The following MMS19 variants were observed in gnomAD, a reference collection of about 807,000 sequenced individuals.
MMS19 encodes the protein MMS19 nucleotide excision repair protein homolog.
Under a neutral mutation model 129.8 loss-of-function variants are expected in MMS19, and 77 were observed. The observed-to-expected ratio is 0.59, with a 90% CI of 0.49 to 0.72. MMS19 has a LOEUF of 0.72. MMS19 is among the 30% of genes least tolerant of loss of function. The pLI, the probability that MMS19 is intolerant of heterozygous loss-of-function variation, is 0.00. For missense variants in MMS19, 1,168 were observed against 1,266.3 expected (o/e 0.92, Z 1.18); for synonymous variants, 491 against 502.8 (o/e 0.98, Z 0.31).
In MMS19 at chr10:97,466,622, C is replaced by T. The variant is rs369559127; in HGVS notation, c.1424-37G>A. ...AGGGAACATGAATCTCATCTTTCTT[C>T]CCCTGCAGCCATCACAACCCTTCTA... On this transcript the variant is annotated intron_variant, in intron 15 of 30. Coordinates refer to ENST00000438925, the MANE Select transcript of MMS19 (RefSeq NM_022362.5). 9 of 1,586,268 alleles carry T rather than the reference C, an allele frequency of 5.7e-6. No homozygotes were observed. The African/African-American group carries it at 6.7e-5, about 12-fold the overall frequency.
chr10:97,462,305 G>T lies in MMS19; in HGVS notation c.2013-186C>A, dbSNP rs29001323. On this transcript the variant is annotated intron_variant, in intron 20 of 30. Transcript: ENST00000438925. ...TGTGCCAGTAATCATTTCCATTCAG[G>T]TTCCCATCTGGGAAGTCAAGGTATA... 6.3e-4 allele frequency among the ~76,000 whole-genome samples: 96 copies of T among 152,310 alleles called. No individual in the cohort carries two copies. In the East Asian group the frequency reaches 0.017, roughly 26 times the overall value.
intron 1 of MMS19, among the ~76,000 whole-genome samples, chr10:97,495,531 T>C (rs115770081): frequency 0.015 from 2,220 of 152,318 alleles, 50 homozygotes; most frequent in African/African-American, 0.051. Flanking sequence ...TCTTATTCTA[T>C]AAACGCTTCA....
Position 97,459,285 on chromosome 10 carries a change from G to A in MMS19, c.2905-3C>T, listed in dbSNP as rs576499496. On this transcript the variant is annotated splice_region_variant and splice_polypyrimidine_tract_variant and intron_variant, in intron 28 of 30. Transcript: ENST00000438925. ...TGCAGTGCGGCGATCCGGACAGCCT[G>A]GAACACAACCACAAGGAGGTGAGAG... is the stretch of plus-strand genomic sequence containing the variant. 1.9e-6 allele frequency: 3 copies of A among 1,613,430 alleles called. No individual in the cohort carries two copies. Among genetic ancestry groups the A allele is most frequent in the South Asian group, 2.2e-5 (2 of 90,998 alleles).
chr10:97,492,121 G>C (rs1484263986), intron 1 of MMS19, among the ~76,000 whole-genome samples: 3 of 128,110 alleles, frequency 2.3e-5, no homozygotes, highest in African/African-American at 6.0e-5. Flanking sequence ...CTGGGCTACA[G>C]AGTGAAACTC....
chr10:97,469,180 C>G (rs536421869), intron 11 of MMS19, 76 bp from the exon 12 acceptor site: 1 of 1,495,366 alleles, frequency 6.7e-7, no homozygotes, highest in African/African-American at 1.4e-5. Context: ...TGCCTATTTC[C>G]TTGTTGGAGA....
chr10:97,463,049 A>T (rs1440049268), intron 19 of MMS19: 1 of 235,412 alleles, frequency 4.2e-6, no homozygotes, highest in Non-Finnish European at 8.4e-6. Context: ...AAAAACATAG[A>T]TTTATCTTCA....
At chr10:97,460,284 C>T (rs1005009507) in intron 25 of MMS19, 52 bp from the exon 26 acceptor site, 2 of 1,551,134 alleles carry the variant, frequency 1.3e-6, no homozygotes, top group African/African-American at 1.4e-5. Flanking sequence ...ATCTTAAGTG[C>T]CAAAGATAAG....
chr10:97,476,917 C>G lies in MMS19; in HGVS notation c.540G>C (p.Val180=). Reference sequence around the variant, plus strand: ...TACGGGGATCCTTTTCCCCATCCATCACCTGGATGAAGCCAAAGGTGAAGT... The same window carrying G: ...TACGGGGATCCTTTTCCCCATCCATGACCTGGATGAAGCCAAAGGTGAAGT... The part of the protein sequence containing the change: ...GADFTFGFIQ[V]MDGEKDPRNL... The change falls in exon 7 of 31, where the codon GTG becomes GTC. Residue 180 remains valine (V), a synonymous_variant. Transcript: ENST00000438925. The G allele has an allele frequency of 6.2e-7, 1 of 1,613,948 alleles. No homozygotes were observed. The highest frequency in any genetic ancestry group is 8.5e-7 in the Non-Finnish European group (1 of 1,179,852).
Position 97,459,759 on chromosome 10 carries a change from G to A in MMS19, c.2657-18C>T. 1 of 1,575,914 alleles carries A rather than the reference G, an allele frequency of 6.3e-7. No individual in the cohort carries two copies. Among genetic ancestry groups the A allele is most frequent in the Admixed American group, 1.7e-5 (1 of 57,166 alleles). ...CTTCACATCTGTAAAAAATGGAAAGGCTTAGGGGAGAAATTGGACTTAGAT... is the reference window on the plus strand; with the variant it reads ...CTTCACATCTGTAAAAAATGGAAAGACTTAGGGGAGAAATTGGACTTAGAT... On this transcript the variant is annotated intron_variant, in intron 26 of 30. Transcript: ENST00000438925.
chr10:97,497,492 G>A (rs946754338), intron 1 of MMS19, among the ~76,000 whole-genome samples: 7 of 151,462 alleles, frequency 4.6e-5, no homozygotes, highest in Non-Finnish European at 8.8e-5. Flanking sequence ...AAGATCTGAA[G>A]GCCTCCTAAC....
chr10:97,475,921 C>T (rs1260934176), intron 8 of MMS19, among the ~76,000 whole-genome samples: 1 of 152,282 alleles, frequency 6.6e-6, no homozygotes, highest in South Asian at 2.1e-4. Flanking sequence ...AGGTGGTCCC[C>T]AGTAACATAA....
At chr10:97,488,438 TCTAG>T (rs2038290608) in intron 1 of MMS19, among the ~76,000 whole-genome samples, 1 of 152,340 alleles carries the variant, frequency 6.6e-6, no homozygotes, top group South Asian at 2.1e-4. Flanking sequence ...AAGTTTATCC[TCTAG>T]CTATCTAGTC....
At chr10:97,465,988 G>A (rs2033390864) in intron 17 of MMS19, 34 bp from the exon 18 acceptor site, 2 of 1,612,844 alleles carry the variant, frequency 1.2e-6, no homozygotes, top group Non-Finnish European at 1.7e-6. Flanking sequence ...GGTTTACTGT[G>A]TGATAGGAAG....
In MMS19 at chr10:97,477,534, A is replaced by G. The variant is rs527893885; in HGVS notation, c.424-118T>C. On this transcript the variant is annotated intron_variant, in intron 5 of 30. Coordinates refer to ENST00000438925, the MANE Select transcript of MMS19 (RefSeq NM_022362.5). ...GTGCTCTTTATACCAGCATAAGATC[A>G]ATCTAAGAGAAACTACAGAGAAAGG... is the stretch of plus-strand genomic sequence containing the variant. The G allele has an allele frequency of 3.4e-4, 459 of 1,353,672 alleles. 3 individuals carry two copies. The South Asian group carries it at 5.6e-3, about 17-fold the overall frequency. The allele number at this position is 1,353,672 out of a possible 1,614,324, so 83.9% of individuals were successfully genotyped here. A position where few individuals can be genotyped will look rare whatever the true frequency, so the allele number is the denominator to read the frequency against.
In MMS19 at chr10:97,498,310, C is replaced by T. The variant is rs2040191753; in HGVS notation, c.75G>A (p.Val25=). 5.1e-6 allele frequency: 8 copies of T among 1,572,854 alleles called. No individual in the cohort carries two copies. The East Asian group carries it at 1.4e-4, about 27-fold the overall frequency. Residue 25 remains valine, a synonymous_variant, in exon 1 of 31, where the codon GTG becomes GTA. Coordinates refer to ENST00000438925, the MANE Select transcript of MMS19 (RefSeq NM_022362.5). ...ALWGLVHDFV[V]GQQEGPADQV... The stretch of plus-strand genomic sequence containing the variant: ...GGTCAGCGGGGCCCTCTTGCTGACC[C>T]ACGACGAAGTCGTGCACGAGGCCCC...
Position 97,466,521 on chromosome 10 carries a change from C to T in MMS19, c.1488G>A (p.Lys496=), listed in dbSNP as rs549387162. The T allele has an allele frequency of 1.9e-5, 31 of 1,613,680 alleles. No homozygotes were observed. In the South Asian group the frequency reaches 3.0e-4, roughly 15 times the overall value. ...ATTCTCACCAACTCTGGGAATCCTC[C>T]TTCAGGAAGCTCAGTCTGTACAGGT... is the stretch of plus-strand genomic sequence containing the variant. ...VGHLYRLSFL[K]EDSQSCRVAA... Residue 496 remains lysine (K), a synonymous_variant, in exon 16 of 31, where the codon AAG becomes AAA. Coordinates refer to ENST00000438925, the MANE Select transcript of MMS19 (RefSeq NM_022362.5).
At chr10:97,467,461 G>T (rs2033746764) in intron 14 of MMS19, 44 bp downstream of exon 14, 2 of 1,448,152 alleles carry the variant, frequency 1.4e-6, no homozygotes, top group East Asian at 4.5e-5. Flanking sequence ...ATAGGCTGAA[G>T]TGTTCAACAG....
At chr10:97,471,745 G>A (rs562171374) in intron 8 of MMS19, among the ~76,000 whole-genome samples, 7 of 152,072 alleles carry the variant, frequency 4.6e-5, no homozygotes, top group South Asian at 2.1e-4. Flanking sequence ...TCCTGACCTC[G>A]AATGATCCAC....
At chr10:97,466,380 G>A in intron 16 of MMS19, 124 bp downstream of exon 16, 2 of 840,962 alleles carry the variant, frequency 2.4e-6, no homozygotes, top group Non-Finnish European at 4.0e-6. Flanking sequence ...GTCTAACACA[G>A]AGCTCACCTC....
Sources: allele counts gnomAD v4.1 joint callset (sites outside exome capture counted in the v4.1 genomes callset), GRCh38; gene constraint gnomAD v4.1.1; transcripts MANE v1.5; gene names NCBI Gene and HGNC (gene_info 2026-07-23, HGNC 2026-07-21).